Variants in GCNT4 observed in about 807,000 individuals in gnomAD.
GCNT4 encodes glucosaminyl (N-acetyl) transferase 4.
GCNT4 carries 17 observed loss-of-function variants against 31.3 expected under a neutral mutation model. The observed-to-expected ratio is 0.54, with a 90% CI of 0.37 to 0.81. The LOEUF (loss-of-function observed/expected upper bound fraction) is 0.81, where lower values mean the gene tolerates loss of function less well. Ranked by LOEUF, GCNT4 falls within the 40% of genes least tolerant of loss-of-function variation. The probability of loss-of-function intolerance (pLI) is 0.00; values close to 1 mark genes in which losing one functional copy is unlikely to be tolerated. For missense variants in GCNT4, 503 were observed against 525.5 expected (o/e 0.96, Z 0.42); for synonymous variants, 158 against 190.6 (o/e 0.83, Z 1.41).
At chr5:75,024,030 G>C (rs1375836703), downstream of GCNT4, 1 of 152,128 alleles carries the variant, frequency 6.6e-6, no homozygotes, top group Non-Finnish European at 1.5e-5. Context: ...GAAGCCGTTT[G>C]TTTTGCATCA....
At chr5:75,019,384 A>G in the GCNT4 span, among the ~76,000 whole-genome samples, 3 of 152,236 alleles carry the variant, frequency 2.0e-5, no homozygotes, top group African/African-American at 7.2e-5. Flanking sequence ...TGCATTTGTT[A>G]CAGCACCTTG....
chr5:75,027,778 T>G lies in GCNT4; in HGVS notation c.*898A>C, dbSNP rs1345700978. 2 of 152,512 alleles carry G rather than the reference T, an allele frequency of 1.3e-5. No homozygotes were observed. Among genetic ancestry groups the G allele is most frequent in the Non-Finnish European group, 2.9e-5 (2 of 68,022 alleles). The allele number at this position is 152,512 out of a possible 1,614,324, so 9.4% of individuals were successfully genotyped here. A position where few individuals can be genotyped will look rare whatever the true frequency, so the allele number is the denominator to read the frequency against. On this transcript the variant is annotated 3_prime_UTR_variant, in exon 4 of 4. Transcript: ENST00000652361. The stretch of plus-strand genomic sequence containing the variant: ...TAATGATTCCACAGAAAGTATTCCA[T>G]TGTAAAGAAACTTATCTAGAATGAT...
chr5:75,041,356 T>C (rs2149969046), intron 3 of GCNT4, among the ~76,000 whole-genome samples: 1 of 152,354 alleles, frequency 6.6e-6, no homozygotes, highest in Middle Eastern at 3.4e-3. Flanking sequence ...GAGCTCTGTT[T>C]GATGTTCCTG....
chr5:75,031,871 C>T (rs985852350), intron 3 of GCNT4, among the ~76,000 whole-genome samples: 2 of 152,166 alleles, frequency 1.3e-5, no homozygotes, highest in Admixed American at 1.3e-4. Context: ...CTTCAGGAGG[C>T]TCAGATACTG....
At chr5:75,051,610 C>T (rs1386953518) in intron 2 of GCNT4, among the ~76,000 whole-genome samples, 1 of 152,142 alleles carries the variant, frequency 6.6e-6, no homozygotes, top group African/African-American at 2.4e-5. Flanking sequence ...TCCTAGAAAA[C>T]AACCATAGGT....
chr5:75,028,610 A>G lies in GCNT4; in HGVS notation c.*66T>C, dbSNP rs1025769127. The G allele has an allele frequency of 2.9e-6, 4 of 1,400,072 alleles. No individual in the cohort carries two copies. The highest frequency in any genetic ancestry group is 3.9e-6 in the Non-Finnish European group (4 of 1,017,440). 86.7% of individuals were successfully genotyped at this position (1,400,072 alleles called of 1,614,324 possible). On this transcript the variant is annotated 3_prime_UTR_variant, in exon 4 of 4. Transcript: ENST00000652361. ...GAGTTTAAACAGTATTGGGCATAGT[A>G]TGGTATTCAATTCCACACTGACTCC...
At position 75,029,247 on chromosome 5, in the gene GCNT4, C is replaced by A; in HGVS notation, c.791G>T (p.Arg264Ile). The change falls in exon 4 of 4, where the codon AGA (arginine) becomes ATA (isoleucine). Residue 264 changes from arginine (R) to isoleucine (I), a missense_variant. Physicochemically the swap from Arg to Ile is moderately conservative, Grantham distance 97. Transcript: ENST00000652361. ...TVKPPNSKLERFTYHHELRRV... is the reference protein window; with the variant it reads ...TVKPPNSKLEIFTYHHELRRV... ...TCTAAGTTCATGATGGTAAGTGAATCTTTCCAATTTACTGTTTGGGGGTTT... is the reference window on the plus strand; with the variant it reads ...TCTAAGTTCATGATGGTAAGTGAATATTTCCAATTTACTGTTTGGGGGTTT... 6.2e-7 allele frequency: 1 copy of A among 1,614,126 alleles called. No homozygotes were observed. The highest frequency in any genetic ancestry group is 8.5e-7 in the Non-Finnish European group (1 of 1,180,008).
chr5:75,047,369 G>T (rs532303682), intron 3 of GCNT4, among the ~76,000 whole-genome samples: 2 of 152,192 alleles, frequency 1.3e-5, no homozygotes, highest in South Asian at 4.1e-4. Context: ...TTATTGATTT[G>T]CTTACTATGG....
chr5:75,023,991 G>A (rs1327792830), downstream of GCNT4: 5 of 152,136 alleles, frequency 3.3e-5, no homozygotes, highest in African/African-American at 9.7e-5. Context: ...GTGTGTCCAC[G>A]TGGGTTAACA....
intron 2 of GCNT4, among the ~76,000 whole-genome samples, chr5:75,051,639 G>T (rs1344643004): frequency 6.6e-6 from 1 of 152,162 alleles, no homozygotes; most frequent in African/African-American, 2.4e-5. Flanking sequence ...GTCAGTTTGG[G>T]AAGCACCTGT....
Position 75,029,936 on chromosome 5 carries a change from C to A in GCNT4, c.102G>T (p.Val34=). 1 of 1,614,090 alleles carries A rather than the reference C, an allele frequency of 6.2e-7. No homozygotes were observed. The part of the protein sequence containing the change: ...WLLSLLKLLN[V]RRLFPQKDIY... Reference sequence around the variant, plus strand: ...TGTCTTTTTGCGGAAAGAGTCGTCTCACATTTAGAAGCTTTAACAAAGAGA... The same window carrying A: ...TGTCTTTTTGCGGAAAGAGTCGTCTAACATTTAGAAGCTTTAACAAAGAGA... Residue 34 remains valine, a synonymous_variant, in exon 4 of 4, where the codon GTG becomes GTT. Transcript: ENST00000652361.
chr5:75,023,965 T>C (rs1049459578), downstream of GCNT4: 1 of 152,068 alleles, frequency 6.6e-6, no homozygotes, highest in Non-Finnish European at 1.5e-5. Flanking sequence ...CGATGAAGAG[T>C]CTTCCTGTGG....
chr5:75,039,729 C>T (rs1273812650), intron 3 of GCNT4, among the ~76,000 whole-genome samples: 1 of 152,160 alleles, frequency 6.6e-6, no homozygotes, highest in Non-Finnish European at 1.5e-5. Context: ...ACCTCTCTAA[C>T]CCAAGCTAGC....
chr5:75,049,168 TAGC>T (rs977268916), intron 2 of GCNT4, among the ~76,000 whole-genome samples: 2 of 152,244 alleles, frequency 1.3e-5, no homozygotes, highest in African/African-American at 4.8e-5. Flanking sequence ...TCATATCGCT[TAGC>T]AGAAATTCAA....
At chr5:75,039,514 A>G (rs1743272322) in intron 3 of GCNT4, among the ~76,000 whole-genome samples, 1 of 152,210 alleles carries the variant, frequency 6.6e-6, no homozygotes, top group Admixed American at 6.5e-5. Context: ...TCAGAAGATA[A>G]ATAACTTACC....
chr5:75,031,233 C>G (rs916524851), intron 3 of GCNT4, among the ~76,000 whole-genome samples: 1 of 152,082 alleles, frequency 6.6e-6, no homozygotes, highest in African/African-American at 2.4e-5. Context: ...TGCCACCATG[C>G]CCGGCTAATT....
intron 3 of GCNT4, among the ~76,000 whole-genome samples, chr5:75,046,498 C>T (rs556080320): frequency 1.3e-5 from 2 of 152,290 alleles, no homozygotes; most frequent in South Asian, 2.1e-4. Context: ...GCTGCTCTCT[C>T]GTGGACTGTC....
At chr5:75,023,601 T>C (rs2149943577), downstream of GCNT4, among the ~76,000 whole-genome samples, 1 of 152,274 alleles carries the variant, frequency 6.6e-6, no homozygotes, top group Non-Finnish European at 1.5e-5. Flanking sequence ...GACCATTACA[T>C]AGCCATAAAG....
At chr5:75,022,027 C>T (rs556531632), downstream of GCNT4, among the ~76,000 whole-genome samples, 1 of 152,264 alleles carries the variant, frequency 6.6e-6, no homozygotes, top group Admixed American at 6.5e-5. Flanking sequence ...TTTGTATTCT[C>T]CTTAGAGTTC....
Sources: gnomAD v4.1 joint callset for allele counts (sites outside exome capture counted in the v4.1 genomes callset) on GRCh38, gnomAD v4.1.1 for gene constraint, MANE v1.5 for transcripts, NCBI Gene and HGNC (gene_info 2026-07-23, HGNC 2026-07-21) for gene names.